SARNP: variants seen among roughly 807,000 people sequenced by gnomAD.
The protein encoded by SARNP is SAP domain containing ribonucleoprotein.
In SARNP, 5 loss-of-function variants were observed where a neutral mutation model predicts 38.1. That is an observed-to-expected ratio of 0.13 (90% CI 0.07 to 0.28). The LOEUF (loss-of-function observed/expected upper bound fraction) is 0.28. Ranked by LOEUF, SARNP falls within the 10% of genes least tolerant of loss-of-function variation. The pLI is 1.00. For missense variants in SARNP, 180 were observed against 243.9 expected (o/e 0.74, Z 1.75); for synonymous variants, 84 against 80.6 (o/e 1.04, Z -0.23).
intron 9 of SARNP, among the ~76,000 whole-genome samples, chr12:55,786,760 T>C (rs1009875222): frequency 4.6e-5 from 7 of 151,942 alleles, no homozygotes; most frequent in African/African-American, 7.3e-5. Flanking sequence ...TGACCTTTGG[T>C]TTGTAACAGC....
chr12:55,755,926 A>G (rs865802427), downstream of SARNP: 11 of 15,502 alleles, frequency 7.1e-4, no homozygotes, highest in African/African-American at 3.5e-3. Context: ...GGAAGGTTAT[A>G]GAGGATAAAG....
At chr12:55,817,428 G>A (rs1207369650) in intron 1 of SARNP, among the ~76,000 whole-genome samples, 1 of 152,182 alleles carries the variant, frequency 6.6e-6, no homozygotes, top group Non-Finnish European at 1.5e-5. Context: ...GAAGGGTGAC[G>A]GACGATACAA....
At position 55,794,844 on chromosome 12, in the gene SARNP, C is replaced by T. The variant is rs1879773867; in HGVS notation, c.340G>A (p.Val114Met). 1 of 1,606,136 alleles carries T rather than the reference C, an allele frequency of 6.2e-7. No individual in the cohort carries two copies. The highest frequency in any genetic ancestry group is 8.5e-7 in the Non-Finnish European group (1 of 1,175,768). Reference protein sequence around the residue: ...QKRAERFNVPVSLESKKAARA... With the variant: ...QKRAERFNVPMSLESKKAARA... ...GCAGCTTTCTTACTCTCCAAGCTCA[C>T]AGGTACATTGAATCGTTCAGCCCTC... is the stretch of plus-strand genomic sequence containing the variant. The change falls in exon 6 of 11, where the codon GTG becomes ATG. Residue 114 changes from valine to methionine, a missense_variant. Around this residue, in one of 2 missense-constraint regions of SARNP, gnomAD observed 161 missense variants for 194.1 expected, o/e 0.83. Coordinates refer to ENST00000336133, the MANE Select transcript of SARNP (RefSeq NM_033082.4).
At chr12:55,769,194 C>T (rs1471384761) in intron 9 of SARNP, among the ~76,000 whole-genome samples, 1 of 152,144 alleles carries the variant, frequency 6.6e-6, no homozygotes, top group East Asian at 1.9e-4. Flanking sequence ...CTCTAAAGGC[C>T]CCTGAGGAAT....
intron 7 of SARNP, among the ~76,000 whole-genome samples, chr12:55,791,831 A>G (rs901007592): frequency 4.4e-4 from 67 of 152,260 alleles, no homozygotes; most frequent in African/African-American, 1.6e-3. Context: ...TCAAAAAAAC[A>G]GTGCTTGCTT....
At chr12:55,786,828 A>C (rs1879510768) in intron 9 of SARNP, among the ~76,000 whole-genome samples, 1 of 152,140 alleles carries the variant, frequency 6.6e-6, no homozygotes, top group African/African-American at 2.4e-5. Flanking sequence ...CTCAACTTCA[A>C]ATTTTTTCTT....
chr12:55,799,399 C>T (rs1019513024), intron 4 of SARNP, among the ~76,000 whole-genome samples: 1 of 152,122 alleles, frequency 6.6e-6, no homozygotes, highest in African/African-American at 2.4e-5. Flanking sequence ...CCTTGTGGAA[C>T]AGTTTAAACA....
Position 55,774,558 on chromosome 12 carries a change from T to TAAAAA in SARNP, c.502-13919_502-13918insTTTTT, listed in dbSNP as rs1565673497. ...CGACACGGTGAAACCCCGTCTCTAC[T>TAAAAA]GAAAAAAAAAAAAAAACAAACAAAA... is the stretch of plus-strand genomic sequence containing the variant. On this transcript the variant is annotated intron_variant, in intron 9 of 10. Coordinates refer to ENST00000336133, the MANE Select transcript of SARNP (RefSeq NM_033082.4). 3.8e-3 allele frequency among the ~76,000 whole-genome samples: 153 copies of TAAAAA among 40,496 alleles called. 9 individuals carry two copies. The highest frequency in any genetic ancestry group is 0.018 in the Middle Eastern group (1 of 56). The allele number at this position is 40,496 out of a possible 152,430, so 26.6% of individuals were successfully genotyped here.
At chr12:55,760,467 G>C in intron 10 of SARNP, 84 bp downstream of exon 10, 1 of 796,604 alleles carries the variant, frequency 1.3e-6, no homozygotes, top group Admixed American at 2.1e-5. Context: ...TAAATAAATA[G>C]GTGGGGAAAC....
chr12:55,785,579 A>T (rs998945614), intron 9 of SARNP, among the ~76,000 whole-genome samples: 5 of 151,852 alleles, frequency 3.3e-5, no homozygotes, highest in Admixed American at 2.0e-4. Context: ...ACTTGAGGCC[A>T]AAGTTGAACA....
intron 6 of SARNP, 35 bp from the exon 7 acceptor site, chr12:55,794,422 C>T: frequency 6.3e-7 from 1 of 1,591,676 alleles, no homozygotes; most frequent in Non-Finnish European, 8.6e-7. Context: ...TTTTAGGAAG[C>T]TGTTCACACT....
chr12:55,773,245 C>T (rs1344895105), intron 9 of SARNP, among the ~76,000 whole-genome samples: 3 of 152,128 alleles, frequency 2.0e-5, no homozygotes, highest in Non-Finnish European at 4.4e-5. Flanking sequence ...TCCCCTGTAA[C>T]CCTTACATGC....
Position 55,811,519 on chromosome 12 carries a change from C to T in SARNP, c.36+6147G>A, listed in dbSNP as rs925153769. Among the ~76,000 whole-genome samples the T allele has an allele frequency of 3.3e-5, 5 of 151,780 alleles. 1 individual carries two copies. The highest frequency in any genetic ancestry group is 2.6e-4 in the Admixed American group (4 of 15,238). Reference sequence around the variant, plus strand: ...CAGAAGACTGAAGCTGCAGTGACCCCTGATTGTGCCACTACACTCCAGCCT... The same window carrying T: ...CAGAAGACTGAAGCTGCAGTGACCCTTGATTGTGCCACTACACTCCAGCCT... On this transcript the variant is annotated intron_variant, in intron 1 of 10. Transcript: ENST00000336133.
intron 1 of SARNP, among the ~76,000 whole-genome samples, chr12:55,809,015 T>C (rs941959146): frequency 1.3e-5 from 2 of 152,096 alleles, no homozygotes; most frequent in Non-Finnish European, 2.9e-5. Flanking sequence ...GAGACCAGCC[T>C]GGACAATATG....
intron 9 of SARNP, chr12:55,762,533 A>C (rs1878708714): frequency 6.6e-6 from 1 of 152,010 alleles, no homozygotes; most frequent in Non-Finnish European, 1.5e-5. Context: ...TGGCCTCCCA[A>C]AGTGCTGGGA....
At chr12:55,800,795 G>T in intron 3 of SARNP, 59 bp downstream of exon 3, 2 of 1,459,508 alleles carry the variant, frequency 1.4e-6, no homozygotes, top group Non-Finnish European at 1.9e-6. Flanking sequence ...TGATGTTAAA[G>T]CAATGTGGCC....
chr12:55,815,854 G>A (rs551849077), intron 1 of SARNP: 4 of 152,328 alleles, frequency 2.6e-5, no homozygotes, highest in South Asian at 2.1e-4. Flanking sequence ...CAAAATATGT[G>A]TACATGCCTT....
chr12:55,776,991 G>A (rs1681084), intron 9 of SARNP, among the ~76,000 whole-genome samples: 2,024 of 152,248 alleles, frequency 0.013, 43 homozygotes, highest in African/African-American at 0.046. Flanking sequence ...TGGCAAAGAC[G>A]AGCAGGGGGC....
intron 1 of SARNP, among the ~76,000 whole-genome samples, chr12:55,808,598 A>G (rs1259556938): frequency 6.6e-6 from 1 of 151,970 alleles, no homozygotes; most frequent in East Asian, 1.9e-4. Flanking sequence ...CGCCCAGCCA[A>G]ATTTTTTTTT....
Sources: allele counts gnomAD v4.1 joint callset (sites outside exome capture counted in the v4.1 genomes callset), GRCh38; gene constraint gnomAD v4.1.1; regional missense constraint gnomAD v4.1.1; transcripts MANE v1.5; gene names NCBI Gene and HGNC (gene_info 2026-07-23, HGNC 2026-07-21).